SPAG16: variants seen among roughly 807,000 people sequenced by gnomAD.
The protein encoded by SPAG16 is sperm-associated antigen 16 protein.
SPAG16 carries 86 observed loss-of-function variants against 80.4 expected under a neutral mutation model. The observed-to-expected ratio is 1.07, with a 90% CI of 0.90 to 1.28. The LOEUF is 1.28. Ranked by LOEUF, SPAG16 falls within the 50% of genes most tolerant of loss-of-function variation. The probability of loss-of-function intolerance (pLI) is 0.00; values close to 1 mark genes in which losing one functional copy is unlikely to be tolerated. For synonymous variants in SPAG16, 294 were observed against 265.9 expected, an observed-to-expected ratio of 1.11 and a Z score of -1.03; for missense variants, 870 against 765.3, an observed-to-expected ratio of 1.14 and a Z score of -1.61.
chr2:213,949,179 T>TTTTTTTTTTTTTTTTTTTTTGTTTTTTTG (rs1553677674), intron 12 of SPAG16, among the ~76,000 whole-genome samples: 1 of 36,244 alleles, frequency 2.8e-5, no homozygotes, highest in Non-Finnish European at 5.5e-5. Context: ...GTTTTTTTTT[T>TTTTTTTTTTTTTTTTTTTTTGTTTTTTTG]TTTTTTTTTT....
intron 4 of SPAG16, among the ~76,000 whole-genome samples, chr2:213,312,296 A>G (rs891791286): frequency 1.3e-5 from 2 of 151,648 alleles, no homozygotes; most frequent in Non-Finnish European, 3.0e-5. Flanking sequence ...GTTCAATTCT[A>G]TTTATATGCC....
intron 12 of SPAG16, among the ~76,000 whole-genome samples, chr2:213,968,066 ATTACT>A (rs1646502235): frequency 6.6e-6 from 1 of 151,056 alleles, no homozygotes; most frequent in Non-Finnish European, 1.5e-5. Context: ...CAAATTCAAA[ATTACT>A]TTCCTTTCCT....
chr2:213,973,746 G>A (rs1278661520), intron 12 of SPAG16, among the ~76,000 whole-genome samples: 1 of 150,088 alleles, frequency 6.7e-6, no homozygotes, highest in Admixed American at 6.7e-5. Context: ...AATGATTTTT[G>A]TGAAGGCACA....
intron 10 of SPAG16, among the ~76,000 whole-genome samples, chr2:213,635,415 C>T (rs563566861): frequency 1.1e-4 from 17 of 152,176 alleles, no homozygotes; most frequent in African/African-American, 3.4e-4. Context: ...ACTTCTTTTC[C>T]TCTAGGTAGA....
chr2:214,116,785 G>A (rs1017929271), intron 14 of SPAG16, among the ~76,000 whole-genome samples: 4 of 152,124 alleles, frequency 2.6e-5, no homozygotes, highest in African/African-American at 7.2e-5. Flanking sequence ...AGCAAACCTG[G>A]GCTGAGAGGT....
At chr2:214,294,890 G>A (rs1361660872) in intron 15 of SPAG16, among the ~76,000 whole-genome samples, 2 of 152,170 alleles carry the variant, frequency 1.3e-5, no homozygotes, top group South Asian at 2.1e-4. Context: ...TCTTTAGTAT[G>A]TAGCCAACAT....
chr2:214,190,251 G>C (rs1227090759), intron 15 of SPAG16, among the ~76,000 whole-genome samples: 1 of 151,964 alleles, frequency 6.6e-6, no homozygotes, highest in Non-Finnish European at 1.5e-5. Flanking sequence ...AGTTGACTAA[G>C]ATTAAAAGGG....
intron 13 of SPAG16, among the ~76,000 whole-genome samples, chr2:214,079,009 C>A (rs1369043988): frequency 6.6e-6 from 1 of 152,100 alleles, no homozygotes; most frequent in Non-Finnish European, 1.5e-5. Context: ...TGGTAACAGT[C>A]TTGGTGTGAT....
At chr2:213,563,919 A>C (rs79916158) in intron 10 of SPAG16, among the ~76,000 whole-genome samples, 1 of 152,282 alleles carries the variant, frequency 6.6e-6, no homozygotes, top group East Asian at 1.9e-4. Context: ...ATATATGTGG[A>C]AAAACATGGA....
At position 213,445,661 on chromosome 2, in the gene SPAG16, C is replaced by T. The variant is rs534165407; in HGVS notation, c.943-44302C>T. Among the ~76,000 whole-genome samples the T allele has an allele frequency of 4.4e-4, 67 of 151,776 alleles. 1 individual carries two copies. The highest frequency in any genetic ancestry group is 1.7e-3 in the South Asian group (8 of 4,790). ...AGCCTGGGCGACAAGAGTGAAACTC[C>T]GTCTCAAAAAAAATGACCAACAGAT... On this transcript the variant is annotated intron_variant, in intron 9 of 15. Transcript: ENST00000331683.
At chr2:213,645,996 T>C (rs1322597344) in intron 10 of SPAG16, among the ~76,000 whole-genome samples, 1 of 152,146 alleles carries the variant, frequency 6.6e-6, no homozygotes, top group Non-Finnish European at 1.5e-5. Flanking sequence ...CCAGTGTCAG[T>C]TGAGTTTGGT....
chr2:214,322,368 CTCT>C (rs1287281126), intron 15 of SPAG16, among the ~76,000 whole-genome samples: 1 of 152,014 alleles, frequency 6.6e-6, no homozygotes, highest in Non-Finnish European at 1.5e-5. Flanking sequence ...TTTATTCTTC[CTCT>C]TCTTGAAGTC....
rs112374141 is a variant in SPAG16, at chr2:213,647,703, A to G, written c.1070+157613A>G. Among the ~76,000 whole-genome samples the G allele has an allele frequency of 1.5e-3, 227 of 152,322 alleles. 1 individual carries two copies. Among genetic ancestry groups the G allele is most frequent in the African/African-American group, 4.4e-3 (183 of 41,572 alleles). On this transcript the variant is annotated intron_variant, in intron 10 of 15. Coordinates refer to ENST00000331683, the MANE Select transcript of SPAG16 (RefSeq NM_024532.5). ...CAGACCAGAAACTAATGTGACATAG[A>G]GTCTCTTTTCCAATCTCTGTAGGTC...
At chr2:213,769,946 T>G (rs552143940) in intron 10 of SPAG16, among the ~76,000 whole-genome samples, 1 of 152,324 alleles carries the variant, frequency 6.6e-6, no homozygotes, top group African/African-American at 2.4e-5. Context: ...TGATTTTTAC[T>G]ACCATAGATT....
chr2:213,787,424 T>C (rs2070410981), intron 10 of SPAG16, among the ~76,000 whole-genome samples: 1 of 152,122 alleles, frequency 6.6e-6, no homozygotes, highest in Non-Finnish European at 1.5e-5. Flanking sequence ...TATTAGCTTC[T>C]TTCATGACTT....
At chr2:214,210,914 T>C (rs928867352) in intron 15 of SPAG16, among the ~76,000 whole-genome samples, 32 of 152,120 alleles carry the variant, frequency 2.1e-4, no homozygotes, top group Admixed American at 5.9e-4. Context: ...AAAAATAATA[T>C]GTAACTGTTT....
At chr2:214,072,513 C>T (rs1428182059) in intron 13 of SPAG16, among the ~76,000 whole-genome samples, 1 of 152,012 alleles carries the variant, frequency 6.6e-6, no homozygotes, top group African/African-American at 2.4e-5. Flanking sequence ...CAGCTATATA[C>T]CATTTAAGAA....
chr2:213,462,825 A>G (rs2072457014), intron 9 of SPAG16, among the ~76,000 whole-genome samples: 1 of 152,208 alleles, frequency 6.6e-6, no homozygotes, highest in Non-Finnish European at 1.5e-5. Flanking sequence ...CAATGTGAGA[A>G]TGGACTAATG....
intron 15 of SPAG16, among the ~76,000 whole-genome samples, chr2:214,366,474 C>A (rs1699490686): frequency 6.6e-6 from 1 of 152,064 alleles, no homozygotes; most frequent in South Asian, 2.1e-4. Flanking sequence ...TTACTCAACG[C>A]AGTGTAAAGT....
Sources: allele counts gnomAD v4.1 joint callset (sites outside exome capture counted in the v4.1 genomes callset), GRCh38; gene constraint gnomAD v4.1.1; transcripts MANE v1.5; gene names NCBI Gene and HGNC (gene_info 2026-07-23, HGNC 2026-07-21).